AVPR1A: variants seen among roughly 807,000 people sequenced by gnomAD.
AVPR1A encodes arginine vasopressin receptor 1A.
AVPR1A carries 31 observed loss-of-function variants against 31.5 expected under a neutral mutation model. The ratio of observed to expected loss-of-function variants is 0.99; its 90% CI spans 0.74 to 1.33. The LOEUF (loss-of-function observed/expected upper bound fraction) is 1.33, where lower values mean the gene tolerates loss of function less well. Ranked by LOEUF, AVPR1A falls within the 40% of genes most tolerant of loss-of-function variation. The pLI is 0.00. For missense variants in AVPR1A, 570 were observed against 575.2 expected, an observed-to-expected ratio of 0.99 and a Z score of 0.09; for synonymous variants, 243 against 233.2, an observed-to-expected ratio of 1.04 and a Z score of -0.38.
chr12:63,150,023 G>A lies in AVPR1A; in HGVS notation c.814C>T (p.Leu272Phe). 2 of 1,614,120 alleles carry A rather than the reference G, an allele frequency of 1.2e-6. No homozygotes were observed. The highest frequency in any genetic ancestry group is 8.5e-7 in the Non-Finnish European group (1 of 1,180,028). Residue 272 changes from leucine (L) to phenylalanine (F), a missense_variant, in exon 1 of 2, where the codon CTC (leucine) becomes TTC (phenylalanine). Coordinates refer to ENST00000299178, the MANE Select transcript of AVPR1A (RefSeq NM_000706.5). The surrounding 1 kb of genome is among the most constrained non-coding windows in gnomAD (Gnocchi z 4.9). ...AGVAFQKGFL[L>F]APCVSSVKSI... ...TTCACGCTGCTGACACAGGGTGCGA[G>A]CAGGAACCCCTTTTGGAAGGCCACA...
Position 63,147,082 on chromosome 12 carries a change from G to T in AVPR1A, c.*277C>A. The T allele has an allele frequency of 5.5e-6, 2 of 366,888 alleles. No homozygotes were observed. Among genetic ancestry groups the T allele is most frequent in the South Asian group, 6.3e-5 (1 of 15,754 alleles). The allele number at this position is 366,888 out of a possible 1,614,324, so 22.7% of individuals were successfully genotyped here. The stretch of plus-strand genomic sequence containing the variant: ...ACTAACAACAAAATATAAAGCTAGG[G>T]TGGTTATGATTTTTCCTTTAAAAAT... On this transcript the variant is annotated 3_prime_UTR_variant, in exon 2 of 2. Transcript: ENST00000299178.
In AVPR1A at chr12:63,150,319, G is replaced by A. The variant is rs1347240517; in HGVS notation, c.518C>T (p.Ala173Val). The change falls in exon 1 of 2, where the codon GCC becomes GTC. Residue 173 changes from alanine to valine, a missense_variant. Transcript: ENST00000299178. This position sits in a 1 kb window ranked among gnomAD's most constrained non-coding sequence, Gnocchi z 4.9. Reference protein sequence around the residue: ...PARRSRLMIAAAWVLSFVLST... With the variant: ...PARRSRLMIAVAWVLSFVLST... ...CAGCACGAAGCTCAGCACCCAGGCG[G>A]CCGCGATCATGAGGCGCGAGCGGCG... 3 of 1,613,928 alleles carry A rather than the reference G, an allele frequency of 1.9e-6. No homozygotes were observed. The highest frequency in any genetic ancestry group is 1.7e-5 in the Admixed American group (1 of 60,034).
Position 63,150,890 on chromosome 12 carries a change from C to T in AVPR1A, c.-54G>A. On this transcript the variant is annotated 5_prime_UTR_variant, in exon 1 of 2. Transcript: ENST00000299178. The surrounding 1 kb of genome is among the most constrained non-coding windows in gnomAD (Gnocchi z 4.9). ...CTTCGGAGCTCCAGCCCTCGCGGGC[C>T]GCTCCCTCCCCGTCTCGGAGGACTT... The T allele has an allele frequency of 6.9e-7, 1 of 1,456,926 alleles. No homozygotes were observed. Among genetic ancestry groups the T allele is most frequent in the Non-Finnish European group, 9.0e-7 (1 of 1,112,620 alleles). The allele number at this position is 1,456,926 out of a possible 1,614,324, so 90.2% of individuals were successfully genotyped here. A position where few individuals can be genotyped will look rare whatever the true frequency, so the allele number is the denominator to read the frequency against.
chr12:63,143,727 G>C lies in AVPR1A; in HGVS notation c.*3632C>G, dbSNP rs965319718. ...TACAGTGGCTGCTTCTGCATTTCCA[G>C]AACTAGCATCCCAGACGGCCCTGTC... On this transcript the variant is annotated 3_prime_UTR_variant, in exon 2 of 2. Transcript: ENST00000299178. The C allele has an allele frequency of 6.6e-6, 1 of 152,190 alleles. No homozygotes were observed. Among genetic ancestry groups the C allele is most frequent in the Non-Finnish European group, 1.5e-5 (1 of 68,050 alleles). The allele number at this position is 152,190 out of a possible 1,614,324, so 9.4% of individuals were successfully genotyped here. A position where few individuals can be genotyped will look rare whatever the true frequency, so the allele number is the denominator to read the frequency against.
rs371769743 is a variant in AVPR1A at position 63,150,156 on chromosome 12, C to T, written c.681G>A (p.Ala227=). The change falls in exon 1 of 2, where the codon GCG becomes GCA. Residue 227 remains alanine, a synonymous_variant. Transcript: ENST00000299178. The surrounding 1 kb of genome is among the most constrained non-coding windows in gnomAD (Gnocchi z 4.9). ...AGCAGGTACCCAAGATGACCACGGGCGCCACAAAGATGCCGCCCGTCATCC... is the reference window on the plus strand; with the variant it reads ...AGCAGGTACCCAAGATGACCACGGGTGCCACAAAGATGCCGCCCGTCATCC... The part of the protein sequence containing the change: ...VTWMTGGIFV[A]PVVILGTCYG... The T allele has an allele frequency of 1.2e-6, 2 of 1,613,870 alleles. No individual in the cohort carries two copies. Among genetic ancestry groups the T allele is most frequent in the African/African-American group, 2.7e-5 (2 of 74,940 alleles).
chr12:63,150,989 G>C lies in AVPR1A; in HGVS notation c.-153C>G. 1 of 1,167,046 alleles carries C rather than the reference G, an allele frequency of 8.6e-7. No individual in the cohort carries two copies. Among genetic ancestry groups the C allele is most frequent in the Non-Finnish European group, 1.2e-6 (1 of 857,622 alleles). 72.3% of individuals were successfully genotyped at this position (1,167,046 alleles called of 1,614,324 possible). A position where few individuals can be genotyped will look rare whatever the true frequency, so the allele number is the denominator to read the frequency against. On this transcript the variant is annotated 5_prime_UTR_variant, in exon 1 of 2. Coordinates refer to ENST00000299178, the MANE Select transcript of AVPR1A (RefSeq NM_000706.5). This position sits in a 1 kb window ranked among gnomAD's most constrained non-coding sequence, Gnocchi z 4.9. ...GGGCTCTGCGATCCCTCCAGTGGGCGTCTCCCGGAGCAGCGTCCCGCCTGC... is the reference window on the plus strand; with the variant it reads ...GGGCTCTGCGATCCCTCCAGTGGGCCTCTCCCGGAGCAGCGTCCCGCCTGC...
rs919968060 is a variant in AVPR1A, at chr12:63,143,493, T to C, written c.*3866A>G. ...ATACAATGGAATCTTAAAATGTGTG[T>C]GATTCGAACCATTTACACTGTCTTA... On this transcript the variant is annotated 3_prime_UTR_variant, in exon 2 of 2. Coordinates refer to ENST00000299178, the MANE Select transcript of AVPR1A (RefSeq NM_000706.5). 2.0e-5 allele frequency: 3 copies of C among 152,234 alleles called. No homozygotes were observed. The highest frequency in any genetic ancestry group is 7.2e-5 in the African/African-American group (3 of 41,470). The allele number at this position is 152,234 out of a possible 1,614,324, so 9.4% of individuals were successfully genotyped here.
In AVPR1A at chr12:63,145,323, A is replaced by T. The variant is rs1868349351; in HGVS notation, c.*2036T>A. 2 of 452,764 alleles carry T rather than the reference A, an allele frequency of 4.4e-6. No individual in the cohort carries two copies. The highest frequency in any genetic ancestry group is 2.4e-5 in the Admixed American group (1 of 41,700). The allele number at this position is 452,764 out of a possible 1,614,324, so 28.0% of individuals were successfully genotyped here. ...GCTGAGAATTTCAAAAGGCAGAAGA[A>T]TGAAGAGGAGTGAAGTTATCGCTTC... On this transcript the variant is annotated 3_prime_UTR_variant, in exon 2 of 2. Coordinates refer to ENST00000299178, the MANE Select transcript of AVPR1A (RefSeq NM_000706.5).
chr12:63,150,174 C>T lies in AVPR1A; in HGVS notation c.663G>A (p.Thr221=), dbSNP rs1328097107. 2 of 1,613,970 alleles carry T rather than the reference C, an allele frequency of 1.2e-6. No homozygotes were observed. The highest frequency in any genetic ancestry group is 1.7e-6 in the Non-Finnish European group (2 of 1,180,044). ...CCACGGGCGCCACAAAGATGCCGCC[C>T]GTCATCCAGGTCACGTAGGCACGAG... ...WGSRAYVTWM[T]GGIFVAPVVI... Residue 221 remains threonine (T), a synonymous_variant, in exon 1 of 2, where the codon ACG becomes ACA. Transcript: ENST00000299178. This position sits in a 1 kb window ranked among gnomAD's most constrained non-coding sequence, Gnocchi z 4.9.
chr12:63,148,581 A>C (rs1335505322), intron 1 of AVPR1A, among the ~76,000 whole-genome samples: 1 of 152,180 alleles, frequency 6.6e-6, no homozygotes, highest in Non-Finnish European at 1.5e-5. Flanking sequence ...AGTTTTTATT[A>C]CTTGAGTGTA....
At position 63,150,122 on chromosome 12, in the gene AVPR1A, T is replaced by C. The variant is rs927452816; in HGVS notation, c.715A>G (p.Ile239Val). The C allele has an allele frequency of 1.9e-6, 3 of 1,613,898 alleles. No individual in the cohort carries two copies. Among genetic ancestry groups the C allele is most frequent in the Admixed American group, 3.3e-5 (2 of 60,006 alleles). ...ACGTTGCACCAGATGTTGTAGCAGA[T>C]GAAGCCGTAGCAGGTACCCAAGATG... ...VVILGTCYGF[I>V]CYNIWCNVRG... The change falls in exon 1 of 2, where the codon ATC becomes GTC. Residue 239 changes from isoleucine to valine, a missense_variant. By Grantham distance (29) the Ile-to-Val change is conservative. Transcript: ENST00000299178. This position sits in a 1 kb window ranked among gnomAD's most constrained non-coding sequence, Gnocchi z 4.9.
In AVPR1A at chr12:63,150,395, C is replaced by A. The variant is rs1337643184; in HGVS notation, c.442G>T (p.Asp148Tyr). 3.7e-6 allele frequency: 6 copies of A among 1,613,838 alleles called. No homozygotes were observed. The highest frequency in any genetic ancestry group is 5.1e-6 in the Non-Finnish European group (6 of 1,179,978). Reference sequence around the variant, plus strand: ...GGGTGGCACACCGCGATGTAGCGGTCGGCTGTCATGACTACCAGCATGTAG... The same window carrying A: ...GGGTGGCACACCGCGATGTAGCGGTAGGCTGTCATGACTACCAGCATGTAG... ...SAYMLVVMTA[D>Y]RYIAVCHPLK... The change falls in exon 1 of 2, where the codon GAC (aspartate) becomes TAC (tyrosine). Residue 148 changes from aspartate (D) to tyrosine (Y), a missense_variant. Coordinates refer to ENST00000299178, the MANE Select transcript of AVPR1A (RefSeq NM_000706.5). This position sits in a 1 kb window ranked among gnomAD's most constrained non-coding sequence, Gnocchi z 4.9.
In AVPR1A at chr12:63,147,650, A is replaced by T. The variant is rs1030474729; in HGVS notation, c.971-5T>A. On this transcript the variant is annotated splice_polypyrimidine_tract_variant and splice_region_variant and intron_variant, in intron 1 of 1. Transcript: ENST00000299178. The stretch of plus-strand genomic sequence containing the variant: ...TGATGGTAGGGTTTTCCGATTCTGC[A>T]TGAAAAATATAAAGGGAAATCATGT... 1 of 1,608,208 alleles carries T rather than the reference A, an allele frequency of 6.2e-7. No homozygotes were observed. Among genetic ancestry groups the T allele is most frequent in the Admixed American group, 1.7e-5 (1 of 59,766 alleles).
rs1868432339 is a variant in AVPR1A at position 63,149,967 on chromosome 12, C to T, written c.870G>A (p.Val290=). 1.2e-6 allele frequency: 2 copies of T among 1,614,136 alleles called. No homozygotes were observed. Among genetic ancestry groups the T allele is most frequent in the Non-Finnish European group, 1.7e-6 (2 of 1,180,030 alleles). Residue 290 remains valine, a synonymous_variant, in exon 1 of 2, where the codon GTG becomes GTA. Coordinates refer to ENST00000299178, the MANE Select transcript of AVPR1A (RefSeq NM_000706.5). The part of the protein sequence containing the change: ...KSISRAKIRT[V]KMTFVIVTAY... ...CCGTCACGATCACAAAAGTCATCTT[C>T]ACCGTGCGGATCTTGGCCCGGGAAA...
chr12:63,144,303 T>C lies in AVPR1A; in HGVS notation c.*3056A>G, dbSNP rs1481782372. 6.6e-6 allele frequency: 1 copy of C among 152,196 alleles called. No individual in the cohort carries two copies. The allele number at this position is 152,196 out of a possible 1,614,324, so 9.4% of individuals were successfully genotyped here. ...CACTTTAGAATACATGCTCCAAAAT[T>C]AACCCATTAAGCACTTAATAATGCA... On this transcript the variant is annotated 3_prime_UTR_variant, in exon 2 of 2. Transcript: ENST00000299178.
intron 1 of AVPR1A, among the ~76,000 whole-genome samples, 189 bp from the exon 2 acceptor site, chr12:63,147,834 T>G (rs1868380760): frequency 6.6e-6 from 1 of 152,198 alleles, no homozygotes; most frequent in Admixed American, 6.5e-5. Flanking sequence ...GTAAGCAAGA[T>G]GCCTTAAAAT....
In AVPR1A at chr12:63,147,429, T is replaced by A; in HGVS notation, c.1187A>T (p.Asn396Ile). ...CGAGTCCTTCCACATACCCGTACTG[T>A]TTGTTGGGCTTCGATTGTTAGAATA... ...TFYSNNRSPT[N>I]STGMWKDSPK... The change falls in exon 2 of 2, where the codon AAC (asparagine) becomes ATC (isoleucine). Residue 396 changes from asparagine to isoleucine, a missense_variant. By Grantham distance (149) the Asn-to-Ile change is moderately radical. Transcript: ENST00000299178. 3 of 1,614,094 alleles carry A rather than the reference T, an allele frequency of 1.9e-6. No individual in the cohort carries two copies. The highest frequency in any genetic ancestry group is 8.5e-7 in the Non-Finnish European group (1 of 1,179,960).
In AVPR1A at chr12:63,150,808, C is replaced by T. The variant is rs369310670; in HGVS notation, c.29G>A (p.Gly10Glu). The T allele has an allele frequency of 2.5e-6, 4 of 1,591,566 alleles. No individual in the cohort carries two copies. Among genetic ancestry groups the T allele is most frequent in the Non-Finnish European group, 1.7e-6 (2 of 1,175,778 alleles). ...CCATGGGCTGGAGTTGCCCGAGGGC[C>T]CCGCGTCGGGACCGGCGGAGAGACG... Reference protein sequence around the residue: MRLSAGPDAGPSGNSSPWWP... With the variant: MRLSAGPDAEPSGNSSPWWP... Residue 10 changes from glycine (G) to glutamate (E), a missense_variant, in exon 1 of 2, where the codon GGG becomes GAG. Physicochemically the swap from Gly to Glu is moderately conservative, Grantham distance 98. Transcript: ENST00000299178. This position sits in a 1 kb window ranked among gnomAD's most constrained non-coding sequence, Gnocchi z 4.9.
chr12:63,150,503 C>G lies in AVPR1A; in HGVS notation c.334G>C (p.Asp112His), dbSNP rs751180151. ...GGGCCGCGGAAGCGGTAGGTGATGT[C>G]CCAGCACATTTGCGGCAGCACCTGG... Reference protein sequence around the residue: ...FFQVLPQMCWDITYRFRGPDW... With the variant: ...FFQVLPQMCWHITYRFRGPDW... The change falls in exon 1 of 2, where the codon GAC becomes CAC. Residue 112 changes from aspartate to histidine, a missense_variant. Asp to His is a moderately conservative substitution (Grantham distance 81). Coordinates refer to ENST00000299178, the MANE Select transcript of AVPR1A (RefSeq NM_000706.5). The surrounding 1 kb of genome is among the most constrained non-coding windows in gnomAD (Gnocchi z 4.9). 2.5e-6 allele frequency: 4 copies of G among 1,613,200 alleles called. No homozygotes were observed. In the African/African-American group the frequency reaches 5.3e-5, roughly 22 times the overall value.
Sources: allele counts gnomAD v4.1 joint callset (sites outside exome capture counted in the v4.1 genomes callset), GRCh38; gene constraint gnomAD v4.1.1; non-coding constraint Gnocchi (gnomAD v3.1); transcripts MANE v1.5; gene names NCBI Gene and HGNC (gene_info 2026-07-23, HGNC 2026-07-21).